SPON1: variants seen among roughly 807,000 people sequenced by gnomAD.
SPON1 encodes spondin-1.
A neutral mutation model predicts 111.7 loss-of-function variants in SPON1; 52 were observed. That is an observed-to-expected ratio of 0.47 (90% CI 0.37 to 0.59). The LOEUF (loss-of-function observed/expected upper bound fraction) is 0.59, where lower values mean the gene tolerates loss of function less well. SPON1 is among the 20% of genes least tolerant of loss of function. The pLI is 0.00. For missense variants in SPON1, 957 were observed against 1,068.5 expected (o/e 0.90, Z 1.46); for synonymous variants, 410 against 395.8 (o/e 1.04, Z -0.43).
intron 3 of SPON1, among the ~76,000 whole-genome samples, chr11:14,070,681 A>G (rs1848868465): frequency 6.6e-6 from 1 of 152,244 alleles, no homozygotes; most frequent in South Asian, 2.1e-4. Flanking sequence ...CAAGTACTTC[A>G]GTTTCTGAGA....
intron 1 of SPON1, among the ~76,000 whole-genome samples, chr11:13,973,586 C>T (rs1321219904): frequency 6.6e-6 from 1 of 152,234 alleles, no homozygotes. Context: ...ATTGCATTAT[C>T]TCCTTGAATC....
chr11:14,211,976 A>G (rs6486182), intron 6 of SPON1, among the ~76,000 whole-genome samples: 81,834 of 151,894 alleles, frequency 0.54, 22,175 homozygotes, highest in Middle Eastern at 0.59. Context: ...TCCATTATTG[A>G]TTCATTATTT....
intron 6 of SPON1, among the ~76,000 whole-genome samples, chr11:14,209,168 T>C (rs1848546940): frequency 6.6e-6 from 1 of 152,182 alleles, no homozygotes; most frequent in Admixed American, 6.5e-5. Flanking sequence ...GCCTGAGATA[T>C]CCTGATGCAA....
intron 2 of SPON1, among the ~76,000 whole-genome samples, chr11:13,996,091 A>T (rs1203545191): frequency 6.6e-6 from 1 of 152,162 alleles, no homozygotes; most frequent in Non-Finnish European, 1.5e-5. Context: ...CTCTATTTTA[A>T]AATTTGCCAT....
At chr11:14,153,757 C>A (rs148591172) in intron 6 of SPON1, among the ~76,000 whole-genome samples, 1 of 152,296 alleles carries the variant, frequency 6.6e-6, no homozygotes, top group Non-Finnish European at 1.5e-5. Flanking sequence ...CAAGTCTCAT[C>A]TGAGACAAGG....
intron 2 of SPON1, among the ~76,000 whole-genome samples, chr11:14,012,079 T>A (rs560774517): frequency 6.6e-6 from 1 of 152,198 alleles, no homozygotes; most frequent in Non-Finnish European, 1.5e-5. Flanking sequence ...TACCAACTCT[T>A]GGGATGGGAT....
chr11:14,045,514 G>T (rs1222153624), intron 3 of SPON1, among the ~76,000 whole-genome samples: 1 of 151,898 alleles, frequency 6.6e-6, no homozygotes, highest in African/African-American at 2.4e-5. Context: ...GGAGATGGAG[G>T]TTGCAGTTAG....
chr11:14,066,838 C>T (rs1015461414), intron 3 of SPON1, among the ~76,000 whole-genome samples: 9 of 152,084 alleles, frequency 5.9e-5, no homozygotes, highest in African/African-American at 2.2e-4. Context: ...TCTCCCTCTT[C>T]TCAGTCTCTT....
intron 6 of SPON1, among the ~76,000 whole-genome samples, chr11:14,203,375 G>A (rs1848484562): frequency 6.6e-6 from 1 of 152,196 alleles, no homozygotes; most frequent in Non-Finnish European, 1.5e-5. Context: ...CGTTAGGTGG[G>A]CTGCTTTTAA....
intron 5 of SPON1, among the ~76,000 whole-genome samples, chr11:14,129,742 C>T (rs1847504975): frequency 6.6e-6 from 1 of 152,312 alleles, no homozygotes; most frequent in East Asian, 1.9e-4. Context: ...TAAAGAACTA[C>T]CTGCGACTCG....
chr11:13,994,394 C>T (rs1383484104), intron 2 of SPON1, among the ~76,000 whole-genome samples: 1 of 152,130 alleles, frequency 6.6e-6, no homozygotes, highest in Non-Finnish European at 1.5e-5. Context: ...AGGATATGGA[C>T]ATTTTTTATG....
At chr11:13,981,349 TG>T (rs1848142670) in intron 1 of SPON1, among the ~76,000 whole-genome samples, 2 of 152,296 alleles carry the variant, frequency 1.3e-5, no homozygotes, top group South Asian at 4.1e-4. Flanking sequence ...TTTTTTGAGA[TG>T]GAGTCTCACT....
At chr11:14,233,841 C>T (rs7124139) in intron 6 of SPON1, among the ~76,000 whole-genome samples, 19,721 of 146,862 alleles carry the variant, frequency 0.13, 1,604 homozygotes, top group South Asian at 0.21. Flanking sequence ...CAGCTCACTG[C>T]GACCTCTGCC....
chr11:14,138,729 C>T (rs782307401), intron 6 of SPON1, among the ~76,000 whole-genome samples: 11 of 152,142 alleles, frequency 7.2e-5, no homozygotes, highest in Non-Finnish European at 1.6e-4. Context: ...CCACTAAGAC[C>T]ATTTCTACTT....
chr11:14,216,030 G>T (rs10766174), intron 6 of SPON1, among the ~76,000 whole-genome samples: 1 of 152,008 alleles, frequency 6.6e-6, no homozygotes, highest in Non-Finnish European at 1.5e-5. Context: ...CAAATAGAAC[G>T]TAGGGAAAAT....
chr11:14,026,483 C>G, intron 2 of SPON1, among the ~76,000 whole-genome samples: 1 of 152,170 alleles, frequency 6.6e-6, no homozygotes, highest in Admixed American at 6.5e-5. Flanking sequence ...ATCTGACATG[C>G]TTTTACGTCC....
At chr11:14,126,547 C>T (rs1164379098) in intron 5 of SPON1, among the ~76,000 whole-genome samples, 1 of 152,182 alleles carries the variant, frequency 6.6e-6, no homozygotes, top group Non-Finnish European at 1.5e-5. Context: ...CCAGCTTCCC[C>T]CCACCTCTGG....
At chr11:13,996,320 C>T (rs1314255068) in intron 2 of SPON1, among the ~76,000 whole-genome samples, 4 of 152,222 alleles carry the variant, frequency 2.6e-5, no homozygotes, top group African/African-American at 9.6e-5. Context: ...TTGCTTAACA[C>T]TTAGTTTTCT....
intron 7 of SPON1, among the ~76,000 whole-genome samples, chr11:14,245,222 T>G (rs573077323): frequency 6.6e-6 from 1 of 152,224 alleles, no homozygotes; most frequent in South Asian, 2.1e-4. Flanking sequence ...GGCACACTCA[T>G]AGCTGACTGC....
Sources: allele counts gnomAD v4.1 joint callset (sites outside exome capture counted in the v4.1 genomes callset), GRCh38; gene constraint gnomAD v4.1.1; transcripts MANE v1.5; gene names NCBI Gene and HGNC (gene_info 2026-07-23, HGNC 2026-07-21).